The following CARD16 variants were observed in gnomAD, a reference collection of about 807,000 sequenced individuals.
CARD16 encodes caspase recruitment domain family member 16.
Under a neutral mutation model 11.9 loss-of-function variants are expected in CARD16, and 8 were observed. The ratio of observed to expected loss-of-function variants is 0.67; its 90% CI spans 0.39 to 1.21. The LOEUF (loss-of-function observed/expected upper bound fraction) is 1.21. Among genes scored for constraint, CARD16 ranks in the 50% most tolerant of loss-of-function variants. CARD16 has a pLI of 0.01. For missense variants in CARD16, 131 were observed against 118.1 expected (o/e 1.11, Z -0.51); for synonymous variants, 44 against 43.8 (o/e 1.00, Z -0.02).
chr11:105,044,851 A>T, intron 1 of CARD16, 193 bp from the exon 2 acceptor site: 1 of 957,286 alleles, frequency 1.0e-6, no homozygotes, highest in Non-Finnish European at 1.5e-6. Flanking sequence ...GCATGGAGTG[A>T]CCTGAAGACT....
chr11:105,043,310 A>G (rs989372062), intron 3 of CARD16, among the ~76,000 whole-genome samples, 173 bp downstream of exon 3: 1 of 152,132 alleles, frequency 6.6e-6, no homozygotes, highest in African/African-American at 2.4e-5. Context: ...TATAAATAAG[A>G]GTAGTAAAGC....
chr11:105,043,582 T>A lies in CARD16; in HGVS notation c.275-37A>T. On this transcript the variant is annotated intron_variant, in intron 2 of 3. Transcript: ENST00000673097. ...TGAAGAACATTGAAATAGCCACTTATCATCTCTGGAAAACTTTACAGCAAT... is the reference window on the plus strand; with the variant it reads ...TGAAGAACATTGAAATAGCCACTTAACATCTCTGGAAAACTTTACAGCAAT... 2.0e-6 allele frequency: 3 copies of A among 1,493,788 alleles called. No homozygotes were observed. The South Asian group carries it at 3.4e-5, about 17-fold the overall frequency. 92.5% of individuals were successfully genotyped at this position (1,493,788 alleles called of 1,614,324 possible). A position where few individuals can be genotyped will look rare whatever the true frequency, so the allele number is the denominator to read the frequency against.
At position 105,045,270 on chromosome 11, in the gene CARD16, T is replaced by G. The variant is rs376119781; in HGVS notation, c.7+21A>C. 1.2e-5 allele frequency: 19 copies of G among 1,613,892 alleles called. No individual in the cohort carries two copies. In the African/African-American group the frequency reaches 1.9e-4, roughly 16 times the overall value. On this transcript the variant is annotated intron_variant, in intron 1 of 3. Transcript: ENST00000673097. ...ACTCTTTCTTCCCAGGGACCTGTTC[T>G]TGGAACAGTAAAAGACTCACCGGCC...
At chr11:105,043,935 G>C (rs965064267) in intron 2 of CARD16, 1 of 247,618 alleles carries the variant, frequency 4.0e-6, no homozygotes, top group Non-Finnish European at 7.8e-6. Flanking sequence ...ACGTATCATC[G>C]TCACTTAAAT....
At position 105,043,485 on chromosome 11, in the gene CARD16, G is replaced by A; in HGVS notation, c.*41C>T. 1.2e-6 allele frequency: 2 copies of A among 1,602,482 alleles called. No individual in the cohort carries two copies. The highest frequency in any genetic ancestry group is 1.7e-6 in the Non-Finnish European group (2 of 1,171,270). Reference sequence around the variant, plus strand: ...TCTTCATTGAAAAACAACATTACCTGGGAAGGAAGAAAATAGTAATTGGGA... The same window carrying A: ...TCTTCATTGAAAAACAACATTACCTAGGAAGGAAGAAAATAGTAATTGGGA... On this transcript the variant is annotated splice_region_variant and 3_prime_UTR_variant, in exon 3 of 4. Transcript: ENST00000673097.
Position 105,044,416 on chromosome 11 carries a change from C to A in CARD16, c.250G>T (p.Ala84Ser). 6.2e-7 allele frequency: 1 copy of A among 1,614,062 alleles called. No individual in the cohort carries two copies. The highest frequency in any genetic ancestry group is 8.5e-7 in the Non-Finnish European group (1 of 1,179,946). The change falls in exon 2 of 4, where the codon GCA (alanine) becomes TCA (serine). Residue 84 changes from alanine to serine, a missense_variant. Transcript: ENST00000673097. The stretch of plus-strand genomic sequence containing the variant: ...CCTGCTGAGAGTCCCAGCGTCTCTG[C>A]CAGGTAACTGTCTTCTTCACAAATG... ...TYICEEDSYL[A>S]ETLGLSAGPI...
chr11:105,043,710 T>C (rs1864148383), intron 2 of CARD16, among the ~76,000 whole-genome samples, 165 bp from the exon 3 acceptor site: 1 of 152,062 alleles, frequency 6.6e-6, no homozygotes, highest in Admixed American at 6.6e-5. Context: ...ATGCTGTAGG[T>C]TCAAGGGATT....
At chr11:105,044,704 A>G in intron 1 of CARD16, 46 bp from the exon 2 acceptor site, 1 of 1,598,634 alleles carries the variant, frequency 6.3e-7, no homozygotes, top group Non-Finnish European at 8.5e-7. Flanking sequence ...ACAGCCTCAT[A>G]TTCCTCTCAC....
intron 3 of CARD16, 87 bp downstream of exon 3, chr11:105,043,396 A>G: frequency 1.1e-6 from 1 of 877,744 alleles, no homozygotes; most frequent in Non-Finnish European, 1.8e-6. Context: ...AATTCTCCAT[A>G]GCCCCTTCAA....
Position 105,042,876 on chromosome 11 carries a change from A to G in CARD16, c.*43+607T>C, listed in dbSNP as rs7950997. 8.0e-3 allele frequency among the ~76,000 whole-genome samples: 1,215 copies of G among 152,316 alleles called. 17 individuals are homozygous for G. Among genetic ancestry groups the G allele is most frequent in the African/African-American group, 0.027 (1,138 of 41,564 alleles). ...AGAGTAATATCTGAACTTGATAAAA[A>G]CATGCATTTCTAGCCTCTAAATTGC... On this transcript the variant is annotated intron_variant, in intron 3 of 3. Transcript: ENST00000673097.
chr11:105,043,432 G>A (rs1039565315), intron 3 of CARD16, 51 bp downstream of exon 3: 1 of 1,288,020 alleles, frequency 7.8e-7, no homozygotes, highest in African/African-American at 1.5e-5. Context: ...CTAAATTAAT[G>A]TTAAAGAAGA....
chr11:105,044,448 A>G lies in CARD16; in HGVS notation c.218T>C (p.Ile73Thr). The stretch of plus-strand genomic sequence containing the variant: ...ACTGTCTTCTTCACAAATGTATGTG[A>G]TGCAAATTTGGCATGCCTGTGCCCC... Reference protein sequence around the residue: ...PKGAQACQICITYICEEDSYL... With the variant: ...PKGAQACQICTTYICEEDSYL... Residue 73 changes from isoleucine to threonine, a missense_variant, in exon 2 of 4, where the codon ATC becomes ACC. Physicochemically the swap from Ile to Thr is moderately conservative, Grantham distance 89. Transcript: ENST00000673097. The G allele has an allele frequency of 1.9e-6, 3 of 1,614,148 alleles. No homozygotes were observed. Among genetic ancestry groups the G allele is most frequent in the Non-Finnish European group, 2.5e-6 (3 of 1,179,996 alleles).
rs777921502 is a variant in CARD16 at position 105,044,667 on chromosome 11, A to G, written c.8-9T>C. The G allele has an allele frequency of 1.2e-6, 2 of 1,613,280 alleles. No homozygotes were observed. Among genetic ancestry groups the G allele is most frequent in the Non-Finnish European group, 1.7e-6 (2 of 1,179,356 alleles). On this transcript the variant is annotated splice_polypyrimidine_tract_variant and intron_variant, in intron 1 of 3. Transcript: ENST00000673097. Reference sequence around the variant, plus strand: ...CTCCTTCAGGACCTTGTCTGTTTGGAGCACAAGGATTTCTCACATCATGAA... The same window carrying G: ...CTCCTTCAGGACCTTGTCTGTTTGGGGCACAAGGATTTCTCACATCATGAA...
Position 105,041,603 on chromosome 11 carries a change from A to G in CARD16, c.*160T>C, listed in dbSNP as rs1249723043. ...TTTATTATTGTATTCTGAACATGGC[A>G]CCTCTGCAACTTTTGTTTCCATATC... On this transcript the variant is annotated 3_prime_UTR_variant, in exon 4 of 4. Coordinates refer to ENST00000673097, the MANE Select transcript of CARD16 (RefSeq NM_052889.4). The G allele has an allele frequency of 1.2e-6, 2 of 1,614,026 alleles. No homozygotes were observed. Among genetic ancestry groups the G allele is most frequent in the Admixed American group, 1.7e-5 (1 of 59,990 alleles).
rs536998270 is a variant in CARD16, at chr11:105,044,477, C to A, written c.189G>T (p.Pro63=). The A allele has an allele frequency of 1.9e-6, 3 of 1,613,976 alleles. No individual in the cohort carries two copies. The African/African-American group carries it at 4.0e-5, about 22-fold the overall frequency. ...KTRALIDSVI[P]KGAQACQICI... ...AAATTTGGCATGCCTGTGCCCCTTT[C>A]GGAATAACGGAGTCAATCAAAGCTC... Residue 63 remains proline, a synonymous_variant, in exon 2 of 4, where the codon CCG becomes CCT. Transcript: ENST00000673097.
intron 2 of CARD16, among the ~76,000 whole-genome samples, 183 bp from the exon 3 acceptor site, chr11:105,043,728 T>A (rs1473018394): frequency 1.3e-5 from 2 of 152,134 alleles, no homozygotes; most frequent in African/African-American, 4.8e-5. Flanking sequence ...ATTATAAGAA[T>A]GGGCAAGCTC....
intron 1 of CARD16, 56 bp from the exon 2 acceptor site, chr11:105,044,714 C>T (rs545911): frequency 0.057 from 83,018 of 1,463,578 alleles, 6,056 homozygotes; most frequent in Admixed American, 0.19. Context: ...ATTCCTCTCA[C>T]GTCATCAACA....
chr11:105,043,488 A>G lies in CARD16; in HGVS notation c.*38T>C. On this transcript the variant is annotated 3_prime_UTR_variant, in exon 3 of 4. Coordinates refer to ENST00000673097, the MANE Select transcript of CARD16 (RefSeq NM_052889.4). ...TCATTGAAAAACAACATTACCTGGG[A>G]AGGAAGAAAATAGTAATTGGGAGTC... 2 of 1,604,460 alleles carry G rather than the reference A, an allele frequency of 1.2e-6. No homozygotes were observed. Among genetic ancestry groups the G allele is most frequent in the Non-Finnish European group, 1.7e-6 (2 of 1,172,978 alleles).
At chr11:105,045,050 T>G in intron 1 of CARD16, 1 of 632,366 alleles carries the variant, frequency 1.6e-6, no homozygotes, top group Non-Finnish European at 2.7e-6. Context: ...AAGCAAGGGT[T>G]TAATTAAGAT....
Sources: allele counts gnomAD v4.1 joint callset (sites outside exome capture counted in the v4.1 genomes callset), GRCh38; gene constraint gnomAD v4.1.1; transcripts MANE v1.5; gene names NCBI Gene and HGNC (gene_info 2026-07-23, HGNC 2026-07-21).